TENM2: variants seen among roughly 807,000 people sequenced by gnomAD.
TENM2 encodes teneurin-2.
In TENM2, 52 loss-of-function variants were observed where a neutral mutation model predicts 245.2. The ratio of observed to expected loss-of-function variants is 0.21; its 90% CI spans 0.17 to 0.27. The LOEUF (loss-of-function observed/expected upper bound fraction) is 0.27. TENM2 is among the 10% of genes least tolerant of loss of function. The pLI, the probability that TENM2 is intolerant of heterozygous loss-of-function variation, is 1.00. For synonymous variants in TENM2, 1,363 were observed against 1,438.9 expected, an observed-to-expected ratio of 0.95 and a Z score of 1.19; for missense variants, 3,046 against 3,666.8, an observed-to-expected ratio of 0.83 and a Z score of 4.37.
intron 2 of TENM2, among the ~76,000 whole-genome samples, chr5:167,645,218 G>T (rs1320053027): frequency 2.0e-5 from 3 of 152,206 alleles, no homozygotes; most frequent in Admixed American, 6.5e-5. Flanking sequence ...TAAAGGATGA[G>T]AAGTACATTC....
Position 168,238,263 on chromosome 5 carries a change from A to AGAAAAGAAAAGAAAAGAAAG in TENM2, c.5521-6138_5521-6137insGGAAAAGAAAAGAAAAGAAA, listed in dbSNP as rs1562321231. Among the ~76,000 whole-genome samples the AGAAAAGAAAAGAAAAGAAAG allele has an allele frequency of 1.3e-3, 176 of 139,166 alleles. 12 individuals are homozygous for AGAAAAGAAAAGAAAAGAAAG. Among genetic ancestry groups the AGAAAAGAAAAGAAAAGAAAG allele is most frequent in the African/African-American group, 4.5e-3 (143 of 32,016 alleles). 91.3% of individuals were successfully genotyped at this position (139,166 alleles called of 152,430 possible). On this transcript the variant is annotated intron_variant, in intron 25 of 28. Transcript: ENST00000518659. ...AGAAAAGAAAAGAAAAGAAAAGAAAAGAAAAGAAAAGAAAAGAAAAGAAAA... is the reference window on the plus strand; with the variant it reads ...AGAAAAGAAAAGAAAAGAAAAGAAAAGAAAAGAAAAGAAAAGAAAGGAAAAGAAAAGAAAAGAAAAGAAAA...
intron 3 of TENM2, among the ~76,000 whole-genome samples, chr5:167,881,030 C>G (rs1773836134): frequency 6.6e-6 from 1 of 152,196 alleles, no homozygotes; most frequent in Admixed American, 6.5e-5. Flanking sequence ...GCCTCCCTCA[C>G]TCATCTGGCC....
chr5:167,766,379 T>A (rs765069470), intron 2 of TENM2, among the ~76,000 whole-genome samples: 1 of 152,172 alleles, frequency 6.6e-6, no homozygotes, highest in East Asian at 1.9e-4. Context: ...AGTTAACAGA[T>A]CACACAGGGC....
intron 1 of TENM2, among the ~76,000 whole-genome samples, chr5:167,337,910 A>G (rs755774940): frequency 6.6e-6 from 1 of 152,228 alleles, no homozygotes; most frequent in Non-Finnish European, 1.5e-5. Context: ...GTGGTTCATC[A>G]TTAAAAAAAT....
exon 16 of TENM2, chr5:168,199,103 C>T: frequency 6.2e-7 from 1 of 1,611,062 alleles, no homozygotes; most frequent in Non-Finnish European, 8.5e-7. Context: ...TCCCATCGTG[C>T]CTGAGACCCA....
the TENM2 span, among the ~76,000 whole-genome samples, chr5:167,128,544 G>A: frequency 1.6e-3 from 242 of 148,536 alleles, 13 homozygotes; most frequent in South Asian, 0.05. Context: ...GTCTAGTGTA[G>A]ACTTTCATTA....
At chr5:167,903,252 T>TA (rs1231109710) in intron 3 of TENM2, among the ~76,000 whole-genome samples, 13 of 152,326 alleles carry the variant, frequency 8.5e-5, no homozygotes, top group Non-Finnish European at 1.6e-4. Flanking sequence ...CCAGCACTGT[T>TA]ATAAGCATTG....
At chr5:168,080,494 G>T (rs1791895050) in intron 7 of TENM2, among the ~76,000 whole-genome samples, 2 of 152,062 alleles carry the variant, frequency 1.3e-5, no homozygotes, top group Non-Finnish European at 2.9e-5. Flanking sequence ...GTTTGCTCTT[G>T]CTTCTCTAGT....
At chr5:168,170,068 C>A (rs548078900) in intron 13 of TENM2, among the ~76,000 whole-genome samples, 1 of 152,196 alleles carries the variant, frequency 6.6e-6, no homozygotes, top group Non-Finnish European at 1.5e-5. Flanking sequence ...GAACACATAG[C>A]AACAGGGATC....
exon 29 of TENM2, chr5:168,262,562 G>T: frequency 6.4e-7 from 1 of 1,561,412 alleles, no homozygotes; most frequent in East Asian, 2.4e-5. Context: ...CGAAGAGAAG[G>T]CCCGCGTCCT....
chr5:167,932,783 T>C (rs1360840167), intron 3 of TENM2, among the ~76,000 whole-genome samples: 1 of 152,100 alleles, frequency 6.6e-6, no homozygotes, highest in Non-Finnish European at 1.5e-5. Flanking sequence ...TCACAATCCT[T>C]CAAAAATGTA....
chr5:167,818,623 A>G (rs1254115505), intron 2 of TENM2, among the ~76,000 whole-genome samples: 1 of 152,052 alleles, frequency 6.6e-6, no homozygotes, highest in Non-Finnish European at 1.5e-5. Context: ...GCCTTCCCAC[A>G]TCACAGCACT....
In TENM2 at chr5:167,309,387, A is replaced by T. The variant is rs558668831; in HGVS notation, c.226+24324A>T. On this transcript the variant is annotated intron_variant, in intron 1 of 28. Transcript: ENST00000518659. ...GTCCAGATAAACTTATTGTACATTG[A>T]GAATATCGTAAGTCGAAAATGCACT... Among the ~76,000 whole-genome samples the T allele has an allele frequency of 3.9e-5, 6 of 152,322 alleles. No homozygotes were observed. The East Asian group carries it at 1.2e-3, about 29-fold the overall frequency.
intron 3 of TENM2, among the ~76,000 whole-genome samples, chr5:167,892,200 C>T (rs1303363561): frequency 6.6e-6 from 1 of 152,114 alleles, no homozygotes; most frequent in Admixed American, 6.6e-5. Context: ...CTTCTAATTC[C>T]AGGAAAATTA....
chr5:167,110,414 C>T, the TENM2 span, among the ~76,000 whole-genome samples: 3 of 152,156 alleles, frequency 2.0e-5, no homozygotes, highest in Non-Finnish European at 2.9e-5. Context: ...CATTCAAAGT[C>T]ATCCTATCTT....
At chr5:167,081,899 C>T in the TENM2 span, among the ~76,000 whole-genome samples, 5 of 152,290 alleles carry the variant, frequency 3.3e-5, no homozygotes, top group South Asian at 4.1e-4. Context: ...TGCCTCTTGT[C>T]GTTTCAGTTT....
intron 13 of TENM2, among the ~76,000 whole-genome samples, chr5:168,175,219 G>A (rs1759246886): frequency 6.6e-6 from 1 of 152,168 alleles, no homozygotes; most frequent in Non-Finnish European, 1.5e-5. Context: ...GCAACTTAAT[G>A]CCCCTTTACT....
At chr5:168,071,673 A>G (rs1389668773) in intron 7 of TENM2, among the ~76,000 whole-genome samples, 1 of 152,182 alleles carries the variant, frequency 6.6e-6, no homozygotes, top group Non-Finnish European at 1.5e-5. Context: ...ATTCTACAGT[A>G]AACATTCTTT....
chr5:167,319,779 G>A (rs1305837159), intron 1 of TENM2, among the ~76,000 whole-genome samples: 3 of 152,198 alleles, frequency 2.0e-5, no homozygotes, highest in Non-Finnish European at 4.4e-5. Flanking sequence ...AATTACTTCA[G>A]TGTCACCTCA....
Sources: allele counts gnomAD v4.1 joint callset (sites outside exome capture counted in the v4.1 genomes callset), GRCh38; gene constraint gnomAD v4.1.1; transcripts MANE v1.5; gene names NCBI Gene and HGNC (gene_info 2026-07-23, HGNC 2026-07-21).